The following CYP4F22 variants were observed in gnomAD, a reference collection of about 807,000 sequenced individuals.
The protein encoded by CYP4F22 is ultra-long-chain fatty acid omega-hydroxylase.
CYP4F22 carries 37 observed loss-of-function variants against 60.4 expected under a neutral mutation model. That is an observed-to-expected ratio of 0.61 (90% confidence interval 0.47 to 0.81). The LOEUF (loss-of-function observed/expected upper bound fraction) is 0.81, where lower values mean the gene tolerates loss of function less well. Among genes scored for constraint, CYP4F22 ranks in the 30% least tolerant of loss-of-function variants. The pLI is 0.00. For synonymous variants in CYP4F22, 258 were observed against 280.5 expected, an observed-to-expected ratio of 0.92 and a Z score of 0.80; for missense variants, 655 against 715.0, an observed-to-expected ratio of 0.92 and a Z score of 0.96.
intron 4 of CYP4F22, among the ~76,000 whole-genome samples, chr19:15,535,599 A>G (rs1483424221): frequency 6.6e-6 from 1 of 151,826 alleles, no homozygotes; most frequent in Admixed American, 6.6e-5. Flanking sequence ...TCCACCTTCC[A>G]CCTATCCACT....
At chr19:15,518,647 C>CAAAAAAA (rs748509278) in intron 1 of CYP4F22, among the ~76,000 whole-genome samples, 1 of 23,470 alleles carries the variant, frequency 4.3e-5, no homozygotes, top group East Asian at 1.2e-3. Context: ...GACTTTGTCT[C>CAAAAAAA]AAAAAAAAAA....
chr19:15,517,583 T>C, intron 1 of CYP4F22, among the ~76,000 whole-genome samples: 1 of 152,240 alleles, frequency 6.6e-6, no homozygotes, highest in East Asian at 1.9e-4. Context: ...CCCATTTCAT[T>C]CATTCCAGAA....
intron 8 of CYP4F22, among the ~76,000 whole-genome samples, chr19:15,543,069 C>T (rs117482222): frequency 0.016 from 2,444 of 152,226 alleles, 28 homozygotes; most frequent in Middle Eastern, 0.048. Flanking sequence ...GTTGTATACC[C>T]GGTAATGGGA....
chr19:15,550,222 C>T (rs772229456), intron 12 of CYP4F22, among the ~76,000 whole-genome samples: 1 of 152,054 alleles, frequency 6.6e-6, no homozygotes, highest in Non-Finnish European at 1.5e-5. Context: ...TGAGCCACCG[C>T]GCCCAGCCTG....
intron 8 of CYP4F22, among the ~76,000 whole-genome samples, chr19:15,541,539 G>C (rs532131028): frequency 6.6e-6 from 1 of 152,108 alleles, no homozygotes; most frequent in African/African-American, 2.4e-5. Context: ...CTAGCGGAGG[G>C]GGGGTGGGCA....
intron 7 of CYP4F22, among the ~76,000 whole-genome samples, chr19:15,540,138 A>G (rs754786285): frequency 6.6e-6 from 1 of 152,032 alleles, no homozygotes; most frequent in Non-Finnish European, 1.5e-5. Context: ...GGGCCTGTTC[A>G]AAAATATACC....
At chr19:15,526,445 C>T (rs537392884) in intron 3 of CYP4F22, among the ~76,000 whole-genome samples, 1 of 152,322 alleles carries the variant, frequency 6.6e-6, no homozygotes, top group East Asian at 1.9e-4. Flanking sequence ...CCTTTGGCCT[C>T]AGCCTGCTGA....
chr19:15,509,906 T>TTCCTTTCCTTCC (rs1568350838), intron 1 of CYP4F22, among the ~76,000 whole-genome samples: 16 of 97,270 alleles, frequency 1.6e-4, no homozygotes, highest in South Asian at 8.0e-4. Flanking sequence ...CCTTCCTTCC[T>TTCCTTTCCTTCC]TTCTTTCTTT....
rs958935683 is a variant in CYP4F22 at position 15,525,578 on chromosome 19, A to ACTGGG, written c.222+37_222+41dup. On this transcript the variant is annotated intron_variant, in intron 3 of 13. Transcript: ENST00000269703. ...GGCATGGTAAGTGTGGCCAGGCAGG[A>ACTGGG]CTGGGCTGGGCTGGGCTGGGCATGT... 1.0e-5 allele frequency: 16 copies of ACTGGG among 1,602,144 alleles called. No homozygotes were observed. Among genetic ancestry groups the ACTGGG allele is most frequent in the South Asian group, 2.2e-5 (2 of 90,878 alleles).
intron 1 of CYP4F22, among the ~76,000 whole-genome samples, chr19:15,518,647 C>CAAAAAAAAAAAAAAAAAA (rs748509278): frequency 3.9e-4 from 9 of 23,376 alleles, no homozygotes; most frequent in Non-Finnish European, 6.1e-4. Context: ...GACTTTGTCT[C>CAAAAAAAAAAAAAAAAAA]AAAAAAAAAA....
In CYP4F22 at chr19:15,537,595, C is replaced by T; in HGVS notation, c.482C>T (p.Pro161Leu). ...AGCCGGCACCGTCGCCTGCTGACAC[C>T]CGCCTTCCACTTTGACATCCTGAAG... ...KWSRHRRLLT[P>L]AFHFDILKPY... The change falls in exon 6 of 14, where the codon CCC becomes CTC. Residue 161 changes from proline (P) to leucine (L), a missense_variant. Pro to Leu is a moderately conservative substitution (Grantham distance 98, BLOSUM62 -3). Coordinates refer to ENST00000269703, the MANE Select transcript of CYP4F22 (RefSeq NM_173483.4). 2 of 1,614,126 alleles carry T rather than the reference C, an allele frequency of 1.2e-6. No individual in the cohort carries two copies. The highest frequency in any genetic ancestry group is 1.7e-6 in the Non-Finnish European group (2 of 1,180,024).
intron 1 of CYP4F22, among the ~76,000 whole-genome samples, chr19:15,509,904 C>CCTTCTTTCTTTCTTTCTTTCTTTCTTT (rs1323141197): frequency 4.6e-5 from 4 of 86,694 alleles, no homozygotes; most frequent in African/African-American, 4.1e-5. Flanking sequence ...TTCCTTCCTT[C>CCTTCTTTCTTTCTTTCTTTCTTTCTTT]CTTTCTTTCT....
intron 10 of CYP4F22, among the ~76,000 whole-genome samples, chr19:15,547,503 T>G (rs1223366699): frequency 6.6e-6 from 1 of 152,072 alleles, no homozygotes; most frequent in African/African-American, 2.4e-5. Context: ...TTCTGAGCGG[T>G]TGGTGCTCAG....
At chr19:15,545,111 A>AC (rs1971506647) in intron 10 of CYP4F22, among the ~76,000 whole-genome samples, 1 of 151,744 alleles carries the variant, frequency 6.6e-6, no homozygotes, top group South Asian at 2.1e-4. Flanking sequence ...AAATAAAAAA[A>AC]AAAAACAAAA....
chr19:15,524,483 C>G (rs976585171), intron 2 of CYP4F22, among the ~76,000 whole-genome samples: 6 of 151,840 alleles, frequency 4.0e-5, no homozygotes, highest in South Asian at 2.1e-4. Flanking sequence ...AATCCTGTCT[C>G]TACAAAAAAA....
intron 1 of CYP4F22, among the ~76,000 whole-genome samples, chr19:15,521,578 G>A (rs577574238): frequency 1.3e-5 from 2 of 152,214 alleles, no homozygotes; most frequent in Non-Finnish European, 2.9e-5. Context: ...CTGAACATGA[G>A]TGTGCAAATA....
chr19:15,529,144 T>TTC (rs1176681894), intron 3 of CYP4F22, among the ~76,000 whole-genome samples: 1 of 151,366 alleles, frequency 6.6e-6, no homozygotes, highest in Non-Finnish European at 1.5e-5. Context: ...TTTTTTTTTT[T>TTC]TGAGGTGGAG....
rs780720676 is a variant in CYP4F22, at chr19:15,537,449, T to C, written c.421+35T>C. 1.2e-5 allele frequency: 19 copies of C among 1,614,178 alleles called. 1 individual carries two copies. In the South Asian group the frequency reaches 2.1e-4, roughly 18 times the overall value. On this transcript the variant is annotated intron_variant, in intron 5 of 13. Transcript: ENST00000269703. ...CAGTGGGTAGGCTGGGGCTGGGGCT[T>C]TAGAGAAGAGAGGGAAGAGCATGGG...
chr19:15,522,856 G>A (rs1017662995), intron 1 of CYP4F22, among the ~76,000 whole-genome samples: 11 of 152,066 alleles, frequency 7.2e-5, no homozygotes, highest in Middle Eastern at 3.4e-3. Context: ...GATTATAGGC[G>A]CACGCCACCA....
Sources: gnomAD v4.1 joint callset for allele counts (sites outside exome capture counted in the v4.1 genomes callset) on GRCh38, gnomAD v4.1.1 for gene constraint, MANE v1.5 for transcripts, NCBI Gene and HGNC (gene_info 2026-07-23, HGNC 2026-07-21) for gene names.